The following HERC2 variants were observed in gnomAD, a reference collection of about 807,000 sequenced individuals.
HERC2 encodes E3 ubiquitin-protein ligase HERC2.
A neutral mutation model predicts 537.7 loss-of-function variants in HERC2; 102 were observed. The ratio of observed to expected loss-of-function variants is 0.19; its 90% CI spans 0.16 to 0.22. The LOEUF (loss-of-function observed/expected upper bound fraction) is 0.22, where lower values mean the gene tolerates loss of function less well. Among genes scored for constraint, HERC2 ranks in the 10% least tolerant of loss-of-function variants. The pLI, the probability that HERC2 is intolerant of heterozygous loss-of-function variation, is 1.00. For missense variants in HERC2, 4,236 were observed against 6,198.2 expected, an observed-to-expected ratio of 0.68 and a Z score of 10.63; for synonymous variants, 2,224 against 2,466.2, an observed-to-expected ratio of 0.90 and a Z score of 2.91.
chr15:28,167,434 T>C (rs1426210782), intron 68 of HERC2, among the ~76,000 whole-genome samples: 1 of 152,178 alleles, frequency 6.6e-6, no homozygotes, highest in African/African-American at 2.4e-5. Flanking sequence ...AATCTGAATA[T>C]GTCTGTGGGT....
At chr15:28,112,184 C>G (rs969440079) in intron 92 of HERC2, 149 bp from the exon 93 acceptor site, 2 of 712,618 alleles carry the variant, frequency 2.8e-6, no homozygotes, top group Middle Eastern at 3.8e-4. Context: ...TTAGGAGTAA[C>G]GAGGAGCAAT....
intron 23 of HERC2, among the ~76,000 whole-genome samples, chr15:28,239,276 T>C (rs1453626737): frequency 6.6e-6 from 1 of 152,142 alleles, no homozygotes; most frequent in Non-Finnish European, 1.5e-5. Context: ...AGGGCATTTA[T>C]GCCTTTAAAT....
intron 38 of HERC2, 118 bp from the exon 39 acceptor site, chr15:28,215,920 T>C: frequency 4.2e-6 from 3 of 717,858 alleles, no homozygotes; most frequent in Non-Finnish European, 6.7e-6. Context: ...CCTTTACAAA[T>C]ATATTGCAGT....
chr15:28,133,759 G>C (rs1490906934), intron 79 of HERC2, among the ~76,000 whole-genome samples: 3 of 152,236 alleles, frequency 2.0e-5, no homozygotes, highest in African/African-American at 7.2e-5. Context: ...GAAACTGTGA[G>C]AAGTCCAGTT....
chr15:28,222,668 C>T (rs371882633), intron 35 of HERC2, among the ~76,000 whole-genome samples: 251 of 152,228 alleles, frequency 1.6e-3, no homozygotes, highest in African/African-American at 5.8e-3. Flanking sequence ...TGCAGGCTGG[C>T]CCTCGGCTGG....
At position 28,315,604 on chromosome 15, in the gene HERC2, G is replaced by A. The variant is rs145939887; in HGVS notation, c.72+5758C>T. 1,297 of 498,432 alleles carry A rather than the reference G, an allele frequency of 2.6e-3. 1 individual carries two copies. Among genetic ancestry groups the A allele is most frequent in the African/African-American group, 0.023 (1,223 of 52,854 alleles). 30.9% of individuals were successfully genotyped at this position (498,432 alleles called of 1,614,324 possible). ...GCTCAGGAGTTCAAGACCAGCCTGG[G>A]CAACATGGTGAAACCCCATCTCTAC... On this transcript the variant is annotated intron_variant, in intron 2 of 92. Coordinates refer to ENST00000261609, the MANE Select transcript of HERC2 (RefSeq NM_004667.6).
chr15:28,274,471 G>A (rs1386265185), intron 6 of HERC2, 24 bp from the exon 7 acceptor site: 6 of 1,584,642 alleles, frequency 3.8e-6, no homozygotes, highest in African/African-American at 1.3e-5. Context: ...CGCGTCAGAG[G>A]AGCCCCCCCA....
At chr15:28,179,593 CT>C (rs1289233733) in intron 57 of HERC2, among the ~76,000 whole-genome samples, 4 of 152,226 alleles carry the variant, frequency 2.6e-5, no homozygotes, top group Non-Finnish European at 5.9e-5. Context: ...TTCTATCATT[CT>C]TTTAGAGTGT....
chr15:28,194,775 G>C (rs1331295999), intron 52 of HERC2, among the ~76,000 whole-genome samples: 2 of 152,064 alleles, frequency 1.3e-5, no homozygotes, highest in Non-Finnish European at 2.9e-5. Flanking sequence ...TAAAATTTTG[G>C]CTGGATGCAG....
chr15:28,317,914 A>T (rs1412802890), intron 2 of HERC2, among the ~76,000 whole-genome samples: 2 of 152,198 alleles, frequency 1.3e-5, no homozygotes, highest in African/African-American at 4.8e-5. Context: ...CAAAATAAAA[A>T]GTTTTTTAAA....
intron 4 of HERC2, among the ~76,000 whole-genome samples, chr15:28,287,651 A>T (rs2076193006): frequency 6.6e-6 from 1 of 151,158 alleles, no homozygotes; most frequent in Admixed American, 6.6e-5. Flanking sequence ...TTGCACAGCA[A>T]CTCTCTAAGT....
chr15:28,309,288 A>G (rs2076875664), intron 2 of HERC2, among the ~76,000 whole-genome samples: 2 of 152,072 alleles, frequency 1.3e-5, no homozygotes, highest in African/African-American at 4.8e-5. Flanking sequence ...TAATGTGTTA[A>G]GGCCTATCTC....
chr15:28,290,411 A>C (rs529374818), intron 4 of HERC2, among the ~76,000 whole-genome samples: 2 of 152,024 alleles, frequency 1.3e-5, no homozygotes, highest in Non-Finnish European at 2.9e-5. Context: ...TGTATGTTTC[A>C]TAGAGACAGG....
intron 69 of HERC2, among the ~76,000 whole-genome samples, chr15:28,158,554 G>A (rs1893249118): frequency 6.6e-6 from 1 of 152,114 alleles, no homozygotes; most frequent in African/African-American, 2.4e-5. Flanking sequence ...GACTAGGATT[G>A]CAACTCCTGC....
In HERC2 at chr15:28,114,709, G is replaced by A; in HGVS notation, c.13816C>T (p.Pro4606Ser). The change falls in exon 90 of 93, where the codon CCA becomes TCA. Residue 4606 changes from proline (P) to serine (S), a missense_variant. Transcript: ENST00000261609. ...FEAMSLPFTVPSASGQDIQLS... is the reference protein window; with the variant it reads ...FEAMSLPFTVSSASGQDIQLS... ...TGAATGTCCTGGCCACTGGCACTTG[G>A]CACTGTGAAGGGCAGGCTCATGGCT... The A allele has an allele frequency of 6.2e-7, 1 of 1,614,128 alleles. No homozygotes were observed. Among genetic ancestry groups the A allele is most frequent in the Non-Finnish European group, 8.5e-7 (1 of 1,180,034 alleles).
In HERC2 at chr15:28,163,114, T is replaced by A. The variant is rs764843426; in HGVS notation, c.10726A>T (p.Met3576Leu). The change falls in exon 69 of 93, where the codon ATG becomes TTG. Residue 3576 changes from methionine (M) to leucine (L), a missense_variant. Physicochemically the swap from Met to Leu is conservative, Grantham distance 15. Around this residue, in one of 27 missense-constraint regions of HERC2, gnomAD observed 356 missense variants for 450.9 expected, o/e 0.79. Coordinates refer to ENST00000261609, the MANE Select transcript of HERC2 (RefSeq NM_004667.6). ...CTCACCTGTGGGTAGGCGGTCCCCA[T>A]GCCGGAAAGCACCGCGGAGAGCACA... ...RDVLSAVLSG[M>L]GTAYPQVADM... The A allele has an allele frequency of 5.6e-6, 9 of 1,610,792 alleles. No individual in the cohort carries two copies. Among genetic ancestry groups the A allele is most frequent in the Non-Finnish European group, 7.6e-6 (9 of 1,179,846 alleles).
Position 28,272,766 on chromosome 15 carries a change from C to T in HERC2, c.911+128G>A, listed in dbSNP as rs1040545634. The T allele has an allele frequency of 4.8e-6, 3 of 625,400 alleles. No homozygotes were observed. The African/African-American group carries it at 5.5e-5, about 12-fold the overall frequency. 38.7% of individuals were successfully genotyped at this position (625,400 alleles called of 1,614,324 possible). ...AAGGTAAAGAGAGAGAGCCCTGGGA[C>T]ATGGTTCTCCGTACAGAGTACCACA... On this transcript the variant is annotated intron_variant, in intron 8 of 92. Transcript: ENST00000261609.
Position 28,212,465 on chromosome 15 carries a change from G to A in HERC2, c.6905C>T (p.Ser2302Leu), listed in dbSNP as rs753922280. The A allele has an allele frequency of 7.5e-6, 12 of 1,610,176 alleles. No homozygotes were observed. Among genetic ancestry groups the A allele is most frequent in the African/African-American group, 1.3e-5 (1 of 74,784 alleles). ...CTGACCTGCAAAGGCCTGTTTAGTCGATTTCTTTATTTTGTGCTTTTCTAA... is the reference window on the plus strand; with the variant it reads ...CTGACCTGCAAAGGCCTGTTTAGTCAATTTCTTTATTTTGTGCTTTTCTAA... ...SKLEKHKIKK[S>L]TKQAFAGQVD... Residue 2302 changes from serine to leucine, a missense_variant, in exon 43 of 93, where the codon TCG becomes TTG. By Grantham distance (145) the Ser-to-Leu change is moderately radical. Transcript: ENST00000261609.
intron 2 of HERC2, chr15:28,316,076 A>C (rs530567683): frequency 7.1e-5 from 24 of 338,562 alleles, no homozygotes; most frequent in Admixed American, 2.4e-4. Context: ...AAAAAAAATT[A>C]TCTGGGTGTG....
Sources: allele counts gnomAD v4.1 joint callset (sites outside exome capture counted in the v4.1 genomes callset), GRCh38; gene constraint gnomAD v4.1.1; regional missense constraint gnomAD v4.1.1; transcripts MANE v1.5; gene names NCBI Gene and HGNC (gene_info 2026-07-23, HGNC 2026-07-21).